Variants in CAPN3 observed in about 807,000 individuals in gnomAD.
The protein encoded by CAPN3 is calpain 3.
In CAPN3, 88 loss-of-function variants were observed where a neutral mutation model predicts 114.0. That is an observed-to-expected ratio of 0.77 (90% CI 0.65 to 0.92). The LOEUF is 0.92. Ranked by LOEUF, CAPN3 falls within the 40% of genes least tolerant of loss-of-function variation. The probability of loss-of-function intolerance (pLI) is 0.00; values close to 1 mark genes in which losing one functional copy is unlikely to be tolerated. For synonymous variants in CAPN3, 386 were observed against 382.9 expected (o/e 1.01, Z -0.09); for missense variants, 1,028 against 1,069.0 (o/e 0.96, Z 0.53).
chr15:42,366,511 C>T (rs376485548), intron 1 of CAPN3, among the ~76,000 whole-genome samples: 6 of 152,206 alleles, frequency 3.9e-5, no homozygotes, highest in East Asian at 1.9e-4. Flanking sequence ...AAATTTATTT[C>T]GCCAAATGTG....
chr15:42,402,183 G>C, intron 12 of CAPN3, 48 bp downstream of exon 12: 1 of 1,613,654 alleles, frequency 6.2e-7, no homozygotes. Context: ...CTACCCAGGG[G>C]GCCCCGAGTC....
At chr15:42,389,624 G>T (rs530026214) in intron 5 of CAPN3, among the ~76,000 whole-genome samples, 1 of 152,322 alleles carries the variant, frequency 6.6e-6, no homozygotes, top group Non-Finnish European at 1.5e-5. Context: ...CCTTCAGGGG[G>T]CATGCCTTCC....
In CAPN3 at chr15:42,359,726, C is replaced by G. The variant is rs2052587838; in HGVS notation, c.-80C>G. The G allele has an allele frequency of 1.2e-6, 2 of 1,603,850 alleles. No individual in the cohort carries two copies. The highest frequency in any genetic ancestry group is 1.1e-5 in the South Asian group (1 of 89,772). On this transcript the variant is annotated 5_prime_UTR_variant, in exon 1 of 24. Transcript: ENST00000397163. The stretch of plus-strand genomic sequence containing the variant: ...AGATGACAGAATTACTCCAACTTCC[C>G]CTTTGCAGTTGCTTCCTTTCCTTGA...
At chr15:42,405,053 A>G in intron 14 of CAPN3, 1 of 984,236 alleles carries the variant, frequency 1.0e-6, no homozygotes, top group Non-Finnish European at 1.2e-6. Context: ...TCGAGGGTCA[A>G]CAGGAATGTT....
In CAPN3 at chr15:42,366,828, C is replaced by CTTTTTTTTTTTTT. The variant is rs545010219; in HGVS notation, c.309+6725_309+6726insTTTTTTTTTTTTT. 1.2e-3 allele frequency among the ~76,000 whole-genome samples: 154 copies of CTTTTTTTTTTTTT among 127,784 alleles called. 6 individuals carry two copies. Among genetic ancestry groups the CTTTTTTTTTTTTT allele is most frequent in the African/African-American group, 2.5e-3 (74 of 29,174 alleles). The allele number at this position is 127,784 out of a possible 152,430, so 83.8% of individuals were successfully genotyped here. On this transcript the variant is annotated intron_variant, in intron 1 of 23. Transcript: ENST00000397163. ...CGACCCTCACAGAATTCTTTTTTTT[C>CTTTTTTTTTTTTT]TTTTTTTTTTTCTTTTTTTTTTTGA... is the stretch of plus-strand genomic sequence containing the variant.
rs761238719 is a variant in CAPN3 at position 42,359,812 on chromosome 15, A to G, written c.7A>G (p.Thr3Ala). 2.0e-5 allele frequency: 32 copies of G among 1,613,458 alleles called. No individual in the cohort carries two copies. Among genetic ancestry groups the G allele is most frequent in the Non-Finnish European group, 2.6e-5 (31 of 1,180,032 alleles). ...TCTTCCAAAGCCACTTGCCATGCCGACCGTCATTAGCGCATCTGTGGCTCC... is the reference window on the plus strand; with the variant it reads ...TCTTCCAAAGCCACTTGCCATGCCGGCCGTCATTAGCGCATCTGTGGCTCC... Reference protein sequence around the residue: MPTVISASVAPRT... With the variant: MPAVISASVAPRT... The change falls in exon 1 of 24, where the codon ACC (threonine) becomes GCC (alanine). Residue 3 changes from threonine to alanine, a missense_variant. By Grantham distance (58) the Thr-to-Ala change is moderately conservative (BLOSUM62 0). Coordinates refer to ENST00000397163, the MANE Select transcript of CAPN3 (RefSeq NM_000070.3).
At chr15:42,392,861 G>T (rs983534790) in intron 7 of CAPN3, 139 bp downstream of exon 7, 3 of 659,136 alleles carry the variant, frequency 4.6e-6, no homozygotes, top group Non-Finnish European at 2.7e-6. Context: ...TCCAAGCCAC[G>T]CCTGGGAGCA....
intron 19 of CAPN3, 107 bp downstream of exon 19, chr15:42,410,102 A>C (rs2054163184): frequency 3.0e-6 from 3 of 994,438 alleles, no homozygotes; most frequent in African/African-American, 1.6e-5. Context: ...GTGCCCAGGG[A>C]AACTTAAGGA....
At chr15:42,382,449 A>G (rs2053276212) in intron 1 of CAPN3, among the ~76,000 whole-genome samples, 1 of 152,080 alleles carries the variant, frequency 6.6e-6, no homozygotes, top group South Asian at 2.1e-4. Context: ...GCTCACGGCA[A>G]TCTCTGCCTC....
intron 5 of CAPN3, among the ~76,000 whole-genome samples, chr15:42,389,614 CCTT>C (rs2053498509): frequency 6.6e-6 from 1 of 152,196 alleles, no homozygotes; most frequent in African/African-American, 2.4e-5. Flanking sequence ...GGCCAGGCCT[CCTT>C]CAGGGGGCAT....
At chr15:42,369,912 G>A (rs540878983) in intron 1 of CAPN3, among the ~76,000 whole-genome samples, 2 of 138,258 alleles carry the variant, frequency 1.4e-5, no homozygotes, top group Admixed American at 1.5e-4. Context: ...TACTCTCGTT[G>A]CCCAGGCTGG....
chr15:42,405,545 C>T (rs913516501), intron 14 of CAPN3, among the ~76,000 whole-genome samples: 3 of 152,166 alleles, frequency 2.0e-5, no homozygotes, highest in Non-Finnish European at 4.4e-5. Context: ...CTACTGACCT[C>T]AGATAATCCG....
intron 9 of CAPN3, among the ~76,000 whole-genome samples, chr15:42,398,677 A>T (rs1003713387): frequency 1.4e-5 from 2 of 141,890 alleles, no homozygotes; most frequent in Non-Finnish European, 3.0e-5. Context: ...ATACACACAC[A>T]CACGTCTGTA....
In CAPN3 at chr15:42,380,751, ATTTTT is replaced by A. The variant is rs59923448; in HGVS notation, c.310-3716_310-3712del. Among the ~76,000 whole-genome samples, 251 of 64,458 alleles carry A rather than the reference ATTTTT, an allele frequency of 3.9e-3. 1 individual carries two copies. Among genetic ancestry groups the A allele is most frequent in the African/African-American group, 7.4e-3 (83 of 11,174 alleles). 42.3% of individuals were successfully genotyped at this position (64,458 alleles called of 152,430 possible). On this transcript the variant is annotated intron_variant, in intron 1 of 23. Transcript: ENST00000397163. ...CCCATATATATATATATATATATAT[ATTTTT>A]TTTTTTTTTTTTTTTGTAAAGATGG...
intron 10 of CAPN3, among the ~76,000 whole-genome samples, chr15:42,400,334 G>C (rs896590849): frequency 1.8e-4 from 28 of 152,206 alleles, no homozygotes; most frequent in African/African-American, 6.3e-4. Context: ...AGCAGAGATG[G>C]AGGGGAGACA....
chr15:42,381,940 G>C (rs558212861), intron 1 of CAPN3, among the ~76,000 whole-genome samples: 1 of 152,236 alleles, frequency 6.6e-6, no homozygotes, highest in Non-Finnish European at 1.5e-5. Context: ...TTATTCTCTA[G>C]TATATTCCTC....
intron 1 of CAPN3, among the ~76,000 whole-genome samples, chr15:42,367,033 C>T (rs2052803353): frequency 6.6e-6 from 1 of 151,854 alleles, no homozygotes; most frequent in South Asian, 2.1e-4. Context: ...GGGGTTTCAC[C>T]ATATTGACTA....
intron 20 of CAPN3, 40 bp from the exon 21 acceptor site, chr15:42,410,548 T>A: frequency 3.7e-6 from 6 of 1,611,584 alleles, no homozygotes; most frequent in Non-Finnish European, 5.1e-6. Flanking sequence ...GATTTGGAGA[T>A]TCAGTGTGTG....
intron 1 of CAPN3, among the ~76,000 whole-genome samples, chr15:42,367,306 C>G (rs1315882160): frequency 2.6e-5 from 4 of 152,090 alleles, no homozygotes; most frequent in Non-Finnish European, 5.9e-5. Context: ...TAGGAACCGG[C>G]TGAACTGTGG....
Sources: allele counts gnomAD v4.1 joint callset (sites outside exome capture counted in the v4.1 genomes callset), GRCh38; gene constraint gnomAD v4.1.1; transcripts MANE v1.5; gene names NCBI Gene and HGNC (gene_info 2026-07-23, HGNC 2026-07-21).